The following SDC2 variants were observed in gnomAD, a reference collection of about 807,000 sequenced individuals.
SDC2 encodes the protein syndecan 2, also known as syndecan-2.
A neutral mutation model predicts 22.2 loss-of-function variants in SDC2; 13 were observed. The ratio of observed to expected loss-of-function variants is 0.59; its 90% CI spans 0.38 to 0.93. The LOEUF (loss-of-function observed/expected upper bound fraction) is 0.93. Among genes scored for constraint, SDC2 ranks in the 40% least tolerant of loss-of-function variants. The pLI is 0.00. For missense variants in SDC2, 235 were observed against 246.8 expected (o/e 0.95, Z 0.32); for synonymous variants, 94 against 92.8 (o/e 1.01, Z -0.07).
At position 96,573,157 on chromosome 8, in the gene SDC2, G is replaced by A. The variant is rs546577533; in HGVS notation, c.61-20323G>A. On this transcript the variant is annotated intron_variant, in intron 1 of 4. Transcript: ENST00000302190. ...TTACAGTTTACATGAACTATTTCACGTTTTTTCTCTTTAATCTTCATGTGA... is the reference window on the plus strand; with the variant it reads ...TTACAGTTTACATGAACTATTTCACATTTTTTCTCTTTAATCTTCATGTGA... Among the ~76,000 whole-genome samples the A allele has an allele frequency of 4.9e-4, 75 of 152,040 alleles. 1 individual carries two copies. Among genetic ancestry groups the A allele is most frequent in the Admixed American group, 9.2e-4 (14 of 15,280 alleles).
At chr8:96,605,622 A>C (rs943349059) in intron 3 of SDC2, among the ~76,000 whole-genome samples, 1 of 152,224 alleles carries the variant, frequency 6.6e-6, no homozygotes, top group Non-Finnish European at 1.5e-5. Flanking sequence ...AGTGAAATGA[A>C]ATTTCTCTAT....
intron 1 of SDC2, among the ~76,000 whole-genome samples, chr8:96,515,824 T>C (rs1813393018): frequency 6.6e-6 from 1 of 152,022 alleles, no homozygotes; most frequent in Non-Finnish European, 1.5e-5. Context: ...ACCCAGAAAA[T>C]TTTAAATTTG....
At chr8:96,510,967 G>A (rs1813317931) in intron 1 of SDC2, among the ~76,000 whole-genome samples, 1 of 152,184 alleles carries the variant, frequency 6.6e-6, no homozygotes, top group South Asian at 2.1e-4. Context: ...ATTGAGGTCT[G>A]TTACAAGGAG....
In SDC2 at chr8:96,609,835, TG is replaced by T; in HGVS notation, c.*288del. 4.4e-6 allele frequency: 1 copy of T among 226,814 alleles called. No individual in the cohort carries two copies. The highest frequency in any genetic ancestry group is 8.5e-6 in the Non-Finnish European group (1 of 117,212). The allele number at this position is 226,814 out of a possible 1,614,324, so 14.1% of individuals were successfully genotyped here. On this transcript the variant is annotated 3_prime_UTR_variant, in exon 5 of 5. Transcript: ENST00000302190. ...TAAACTTTTATGCGCAAATACAAAATGATTGTCTTTTTCCTATGACTCAAAG... is the reference window on the plus strand; with the variant it reads ...TAAACTTTTATGCGCAAATACAAAATATTGTCTTTTTCCTATGACTCAAAG...
At chr8:96,508,300 A>AATAATG (rs1311334243) in intron 1 of SDC2, among the ~76,000 whole-genome samples, 3 of 11,058 alleles carry the variant, frequency 2.7e-4, no homozygotes, top group Non-Finnish European at 4.9e-4. Flanking sequence ...CGTCTCAAAT[A>AATAATG]ATAATAATAA....
intron 1 of SDC2, among the ~76,000 whole-genome samples, chr8:96,562,447 G>A (rs1238807113): frequency 6.6e-6 from 1 of 152,174 alleles, no homozygotes; most frequent in Non-Finnish European, 1.5e-5. Context: ...AAGTTAGGAT[G>A]CCAGGGAGTT....
intron 1 of SDC2, among the ~76,000 whole-genome samples, chr8:96,589,417 G>A (rs1412551529): frequency 6.6e-6 from 1 of 151,390 alleles, no homozygotes; most frequent in Admixed American, 6.6e-5. Flanking sequence ...TTTGTTTGTT[G>A]TTTGTTTTTT....
chr8:96,599,755 G>A (rs1268825065), intron 2 of SDC2, among the ~76,000 whole-genome samples: 1 of 152,128 alleles, frequency 6.6e-6, no homozygotes, highest in Non-Finnish European at 1.5e-5. Context: ...ACCAAACCCT[G>A]TATTTATTCC....
At chr8:96,526,740 G>A (rs1472651330) in intron 1 of SDC2, among the ~76,000 whole-genome samples, 1 of 152,082 alleles carries the variant, frequency 6.6e-6, no homozygotes. Context: ...GAAGGGTTAA[G>A]TCAGGGAACT....
chr8:96,606,697 A>T (rs944043658), intron 3 of SDC2, among the ~76,000 whole-genome samples: 2 of 152,096 alleles, frequency 1.3e-5, no homozygotes, highest in Non-Finnish European at 2.9e-5. Context: ...GGTGATGTGG[A>T]TCAGCGTAAC....
At chr8:96,595,040 C>T (rs1370073296) in intron 2 of SDC2, among the ~76,000 whole-genome samples, 1 of 152,166 alleles carries the variant, frequency 6.6e-6, no homozygotes, top group African/African-American at 2.4e-5. Context: ...ACCATATCAA[C>T]CCCCAAGAAG....
At chr8:96,571,114 T>TA (rs1181899723) in intron 1 of SDC2, among the ~76,000 whole-genome samples, 2 of 152,234 alleles carry the variant, frequency 1.3e-5, no homozygotes, top group Non-Finnish European at 2.9e-5. Context: ...GTCACACTTT[T>TA]AAAAAATGTG....
Position 96,602,415 on chromosome 8 carries a change from A to G in SDC2, c.193A>G (p.Ser65Gly). 1 of 1,614,080 alleles carries G rather than the reference A, an allele frequency of 6.2e-7. No homozygotes were observed. The highest frequency in any genetic ancestry group is 8.5e-7 in the Non-Finnish European group (1 of 1,179,956). The change falls in exon 3 of 5, where the codon AGT becomes GGT. Residue 65 changes from serine to glycine, a missense_variant. Coordinates refer to ENST00000302190, the MANE Select transcript of SDC2 (RefSeq NM_002998.4). ...TCCAGGAGCTGATGAGGATGTAGAGAGTCCAGAGCTGACAACATCTCGACC... is the reference window on the plus strand; with the variant it reads ...TCCAGGAGCTGATGAGGATGTAGAGGGTCCAGAGCTGACAACATCTCGACC... ...SGSGADEDVE[S>G]PELTTSRPLP...
chr8:96,606,723 TA>T (rs1261434237), intron 3 of SDC2, among the ~76,000 whole-genome samples: 3 of 152,118 alleles, frequency 2.0e-5, no homozygotes, highest in African/African-American at 7.2e-5. Context: ...GTGATTCACA[TA>T]AGATGGCCAG....
At chr8:96,529,725 C>G (rs563672283) in intron 1 of SDC2, among the ~76,000 whole-genome samples, 1 of 152,264 alleles carries the variant, frequency 6.6e-6, no homozygotes, top group African/African-American at 2.4e-5. Context: ...CTCTCCATCT[C>G]CCTCCTTCAG....
intron 1 of SDC2, among the ~76,000 whole-genome samples, chr8:96,541,205 C>A (rs1813843956): frequency 6.6e-6 from 1 of 151,900 alleles, no homozygotes; most frequent in South Asian, 2.1e-4. Flanking sequence ...CTGAGGCAGG[C>A]AGATCACGAG....
chr8:96,513,476 A>G (rs1475805102), intron 1 of SDC2, among the ~76,000 whole-genome samples: 2 of 152,226 alleles, frequency 1.3e-5, no homozygotes, highest in South Asian at 2.1e-4. Context: ...AACCCAGAAG[A>G]TGCAAACAGA....
intron 1 of SDC2, among the ~76,000 whole-genome samples, chr8:96,558,510 C>T (rs1013303427): frequency 2.0e-5 from 3 of 152,124 alleles, no homozygotes; most frequent in African/African-American, 4.8e-5. Flanking sequence ...AACTAAATGT[C>T]TATACCTAGT....
chr8:96,513,076 C>T (rs988482385), intron 1 of SDC2, among the ~76,000 whole-genome samples: 23 of 152,168 alleles, frequency 1.5e-4, no homozygotes, highest in African/African-American at 5.1e-4. Flanking sequence ...AGGCCTTTCT[C>T]GCAAGCTTTA....
Sources: allele counts gnomAD v4.1 joint callset (sites outside exome capture counted in the v4.1 genomes callset), GRCh38; gene constraint gnomAD v4.1.1; transcripts MANE v1.5; gene names NCBI Gene and HGNC (gene_info 2026-07-23, HGNC 2026-07-21).